The following PAPPA variants were observed in gnomAD, a reference collection of about 807,000 sequenced individuals.
PAPPA encodes the protein pappalysin-1.
PAPPA carries 60 observed loss-of-function variants against 164.0 expected under a neutral mutation model. The ratio of observed to expected loss-of-function variants is 0.37; its 90% CI spans 0.30 to 0.45. The LOEUF is 0.45. Ranked by LOEUF, PAPPA falls within the 20% of genes least tolerant of loss-of-function variation. PAPPA has a pLI of 1.00. For synonymous variants in PAPPA, 875 were observed against 814.1 expected, an observed-to-expected ratio of 1.07 and a Z score of -1.27; for missense variants, 1,782 against 2,087.3, an observed-to-expected ratio of 0.85 and a Z score of 2.85.
At chr9:116,289,121 C>CATATATAT (rs200604980) in intron 9 of PAPPA, among the ~76,000 whole-genome samples, 2 of 17,888 alleles carry the variant, frequency 1.1e-4, no homozygotes, top group African/African-American at 4.0e-4. Flanking sequence ...TATGCATATA[C>CATATATAT]ATATATATAT....
intron 7 of PAPPA, among the ~76,000 whole-genome samples, chr9:116,247,574 C>G (rs1844811943): frequency 6.6e-6 from 1 of 152,124 alleles, no homozygotes; most frequent in Admixed American, 6.6e-5. Context: ...GGTTGTGCTG[C>G]TCCAATTCCT....
intron 10 of PAPPA, among the ~76,000 whole-genome samples, chr9:116,319,915 T>C (rs1845833025): frequency 6.6e-6 from 1 of 152,190 alleles, no homozygotes. Flanking sequence ...CATGTTAGCT[T>C]TACCACTTTC....
At chr9:116,248,819 A>G (rs1587971041) in intron 7 of PAPPA, among the ~76,000 whole-genome samples, 1 of 152,330 alleles carries the variant, frequency 6.6e-6, no homozygotes, top group South Asian at 2.1e-4. Flanking sequence ...GGATCAGTAA[A>G]CCCTGTGGTA....
At position 116,188,199 on chromosome 9, in the gene PAPPA, C is replaced by T; in HGVS notation, c.1461C>T (p.Asp487=). The T allele has an allele frequency of 6.2e-7, 1 of 1,610,190 alleles. No homozygotes were observed. Among genetic ancestry groups the T allele is most frequent in the African/African-American group, 1.3e-5 (1 of 74,954 alleles). ...CCAATGTCACTCAGACTTGCTTTGA[C>T]CCCGACTCTCCACACAGGTAAGACC... ...EITNVTQTCF[D]PDSPHRAYLD... is the part of the protein sequence containing the mutation. Residue 487 remains aspartate, a synonymous_variant, in exon 2 of 22, where the codon GAC becomes GAT. Transcript: ENST00000328252.
chr9:116,378,903 C>G (rs1035012019), intron 20 of PAPPA, among the ~76,000 whole-genome samples: 1 of 152,168 alleles, frequency 6.6e-6, no homozygotes, highest in Admixed American at 6.5e-5. Flanking sequence ...GAGGGATTTC[C>G]TGAGGGCACT....
chr9:116,385,857 T>G (rs954496518), intron 21 of PAPPA, among the ~76,000 whole-genome samples: 14 of 152,228 alleles, frequency 9.2e-5, no homozygotes, highest in African/African-American at 2.7e-4. Flanking sequence ...TTGTGAAACG[T>G]GTAGTCTATT....
Position 116,188,036 on chromosome 9 carries a change from C to A in PAPPA, c.1298C>A (p.Thr433Lys), listed in dbSNP as rs775541104. 1 of 1,614,052 alleles carries A rather than the reference C, an allele frequency of 6.2e-7. No homozygotes were observed. The highest frequency in any genetic ancestry group is 8.5e-7 in the Non-Finnish European group (1 of 1,180,044). Residue 433 changes from threonine to lysine, a missense_variant, in exon 2 of 22, where the codon ACG becomes AAG. Coordinates refer to ENST00000328252, the MANE Select transcript of PAPPA (RefSeq NM_002581.5). ...GACCCCGAGTGCAACCACACGCTGACGGGCCACGACGGCGGGGATTGCCGC... is the reference window on the plus strand; with the variant it reads ...GACCCCGAGTGCAACCACACGCTGAAGGGCCACGACGGCGGGGATTGCCGC... ...NCDPECNHTLTGHDGGDCRHL... is the reference protein window; with the variant it reads ...NCDPECNHTLKGHDGGDCRHL...
chr9:116,169,689 C>T (rs921129833), intron 1 of PAPPA, among the ~76,000 whole-genome samples: 5 of 151,384 alleles, frequency 3.3e-5, no homozygotes, highest in African/African-American at 7.3e-5. Context: ...CCATGCTCCT[C>T]CTGCAATCTT....
rs1318018076 is a variant in PAPPA at position 116,282,676 on chromosome 9, C to T, written c.2953+11260C>T. On this transcript the variant is annotated intron_variant, in intron 9 of 21. Transcript: ENST00000328252. ...AGTCTCTGGCTCTTAAGCCCTCAGGCTTAACTACTAATTTATGCTACATCT... is the reference window on the plus strand; with the variant it reads ...AGTCTCTGGCTCTTAAGCCCTCAGGTTTAACTACTAATTTATGCTACATCT... Among the ~76,000 whole-genome samples, 3 of 152,164 alleles carry T rather than the reference C, an allele frequency of 2.0e-5. No individual in the cohort carries two copies. In the East Asian group the frequency reaches 5.8e-4, roughly 29 times the overall value.
intron 1 of PAPPA, among the ~76,000 whole-genome samples, chr9:116,172,505 G>A (rs1056805617): frequency 2.0e-5 from 3 of 152,198 alleles, no homozygotes; most frequent in African/African-American, 7.2e-5. Context: ...AAAAACGTCT[G>A]TAGACATTGC....
intron 9 of PAPPA, among the ~76,000 whole-genome samples, chr9:116,301,773 A>G (rs1564216566): frequency 6.6e-6 from 1 of 152,196 alleles, no homozygotes; most frequent in South Asian, 2.1e-4. Flanking sequence ...GTATCCGACA[A>G]GCCCTTAGAA....
chr9:116,356,250 G>A (rs577573603), intron 17 of PAPPA, among the ~76,000 whole-genome samples: 36 of 152,290 alleles, frequency 2.4e-4, no homozygotes, highest in East Asian at 9.6e-4. Context: ...TACTTAACTC[G>A]TTAAGCTTCA....
chr9:116,241,375 G>A (rs1449235720), intron 7 of PAPPA, among the ~76,000 whole-genome samples: 1 of 152,182 alleles, frequency 6.6e-6, no homozygotes, highest in Non-Finnish European at 1.5e-5. Context: ...GTGATTTTTA[G>A]ATAGGTGGTC....
rs1264268170 is a variant in PAPPA at position 116,341,214 on chromosome 9, T to A, written c.3612-3329T>A. On this transcript the variant is annotated intron_variant, in intron 13 of 21. Transcript: ENST00000328252. ...CACCACCGCTCCCAGCTAATTTTTT[T>A]ATTTTTACTAGAGACAGGGATGCAC... is the stretch of plus-strand genomic sequence containing the variant. Among the ~76,000 whole-genome samples, 5 of 152,116 alleles carry A rather than the reference T, an allele frequency of 3.3e-5. No individual in the cohort carries two copies. The East Asian group carries it at 7.7e-4, about 24-fold the overall frequency.
rs534094856 is a variant in PAPPA at position 116,163,924 on chromosome 9, G to T, written c.415+9337G>T. On this transcript the variant is annotated intron_variant, in intron 1 of 21. Transcript: ENST00000328252. Reference sequence around the variant, plus strand: ...AGACTGACTGAAGACATTATTTGGGGAATATTGGTACTTCCTGATAGCTGG... The same window carrying T: ...AGACTGACTGAAGACATTATTTGGGTAATATTGGTACTTCCTGATAGCTGG... Among the ~76,000 whole-genome samples, 23 of 152,226 alleles carry T rather than the reference G, an allele frequency of 1.5e-4. No homozygotes were observed. The South Asian group carries it at 4.8e-3, about 32-fold the overall frequency.
At chr9:116,166,782 A>G (rs1485688882) in intron 1 of PAPPA, among the ~76,000 whole-genome samples, 1 of 152,204 alleles carries the variant, frequency 6.6e-6, no homozygotes, top group Non-Finnish European at 1.5e-5. Context: ...TCTCATCCAC[A>G]CCAGTTTAAT....
intron 2 of PAPPA, among the ~76,000 whole-genome samples, chr9:116,204,739 C>T (rs1393130514): frequency 6.6e-6 from 1 of 152,136 alleles, no homozygotes; most frequent in East Asian, 1.9e-4. Context: ...GTACATTTGA[C>T]CAATTTACGA....
chr9:116,324,805 G>A (rs967346214), intron 10 of PAPPA, among the ~76,000 whole-genome samples: 1 of 152,134 alleles, frequency 6.6e-6, no homozygotes, highest in African/African-American at 2.4e-5. Flanking sequence ...ACATGTGAGA[G>A]AAAGAGTTGT....
chr9:116,258,820 T>A (rs1462666226), intron 7 of PAPPA, among the ~76,000 whole-genome samples: 1 of 152,116 alleles, frequency 6.6e-6, no homozygotes, highest in Non-Finnish European at 1.5e-5. Flanking sequence ...AAAACAATCC[T>A]TATTTCACAT....
Sources: gnomAD v4.1 joint callset for allele counts (sites outside exome capture counted in the v4.1 genomes callset) on GRCh38, gnomAD v4.1.1 for gene constraint, MANE v1.5 for transcripts, NCBI Gene and HGNC (gene_info 2026-07-23, HGNC 2026-07-21) for gene names.